Variants in DOCK2 observed in about 807,000 individuals in gnomAD.
DOCK2 encodes the protein dedicator of cytokinesis 2.
Under a neutral mutation model 248.9 loss-of-function variants are expected in DOCK2, and 87 were observed. That is an observed-to-expected ratio of 0.35 (90% confidence interval 0.29 to 0.42). The LOEUF (loss-of-function observed/expected upper bound fraction) is 0.42. Ranked by LOEUF, DOCK2 falls within the 10% of genes least tolerant of loss-of-function variation. The pLI, the probability that DOCK2 is intolerant of heterozygous loss-of-function variation, is 1.00. For synonymous variants in DOCK2, 805 were observed against 821.6 expected (o/e 0.98, Z 0.35); for missense variants, 1,747 against 2,300.2 (o/e 0.76, Z 4.92).
chr5:169,790,727 G>A (rs1766287669), intron 25 of DOCK2, among the ~76,000 whole-genome samples: 1 of 152,172 alleles, frequency 6.6e-6, no homozygotes, highest in South Asian at 2.1e-4. Context: ...CTTAATAACT[G>A]CAACTGAATT....
intron 46 of DOCK2, among the ~76,000 whole-genome samples, chr5:170,073,594 C>G (rs1351797965): frequency 6.6e-6 from 1 of 152,088 alleles, no homozygotes; most frequent in Non-Finnish European, 1.5e-5. Flanking sequence ...TTATATAGTT[C>G]TTTAATTTCT....
chr5:170,052,005 G>A (rs1444849480), intron 41 of DOCK2, among the ~76,000 whole-genome samples: 2 of 152,130 alleles, frequency 1.3e-5, no homozygotes, highest in East Asian at 1.9e-4. Flanking sequence ...CGCATGGCAG[G>A]GAGCATATAA....
intron 27 of DOCK2, among the ~76,000 whole-genome samples, chr5:169,930,649 A>T (rs1215864663): frequency 2.0e-5 from 3 of 152,364 alleles, no homozygotes; most frequent in South Asian, 4.1e-4. Flanking sequence ...GCTGCGGCTG[A>T]CAGGGAGCAA....
At chr5:170,060,334 G>A (rs904620510) in intron 44 of DOCK2, among the ~76,000 whole-genome samples, 1 of 152,070 alleles carries the variant, frequency 6.6e-6, no homozygotes, top group Non-Finnish European at 1.5e-5. Context: ...GGAACTTTAG[G>A]GAGCTTAAAG....
At chr5:169,860,616 C>T (rs1771138623) in intron 27 of DOCK2, among the ~76,000 whole-genome samples, 1 of 152,180 alleles carries the variant, frequency 6.6e-6, no homozygotes, top group East Asian at 1.9e-4. Context: ...ATTGATGTTT[C>T]CCAAAGTGGG....
At chr5:169,930,580 A>G (rs764264662) in intron 27 of DOCK2, among the ~76,000 whole-genome samples, 1 of 152,258 alleles carries the variant, frequency 6.6e-6, no homozygotes, top group Non-Finnish European at 1.5e-5. Flanking sequence ...AAAGTCCTTT[A>G]AAAATGAATG....
In DOCK2 at chr5:170,082,917, A is replaced by G. The variant is rs1241316922; in HGVS notation, c.*59A>G. 31 of 1,608,804 alleles carry G rather than the reference A, an allele frequency of 1.9e-5. No homozygotes were observed. Among genetic ancestry groups the G allele is most frequent in the Non-Finnish European group, 2.3e-5 (27 of 1,175,732 alleles). On this transcript the variant is annotated 3_prime_UTR_variant, in exon 52 of 52. Coordinates refer to ENST00000520908, the MANE Select transcript of DOCK2 (RefSeq NM_004946.3). ...GGGAGGGGAGTTTCTGGAAGAGGAA[A>G]GCCATGCGTGGAACATCGAAGCCTC...
At chr5:170,061,934 C>T (rs911461492) in intron 44 of DOCK2, among the ~76,000 whole-genome samples, 8 of 152,154 alleles carry the variant, frequency 5.3e-5, no homozygotes, top group Admixed American at 1.3e-4. Context: ...GATACTAGAC[C>T]GTGGGTTTCA....
At chr5:169,997,418 C>T (rs1347350189) in intron 30 of DOCK2, among the ~76,000 whole-genome samples, 1 of 148,124 alleles carries the variant, frequency 6.8e-6, no homozygotes, top group Non-Finnish European at 1.5e-5. Flanking sequence ...TCAGCACAGA[C>T]CCTTTATGGG....
intron 22 of DOCK2, among the ~76,000 whole-genome samples, chr5:169,739,239 G>T (rs914866314): frequency 1.1e-4 from 17 of 152,214 alleles, no homozygotes; most frequent in African/African-American, 4.1e-4. Flanking sequence ...TTGGGCCGTT[G>T]TGTCTCTAGC....
rs561243729 is a variant in DOCK2, at chr5:169,985,859, A to G, written c.2930A>G (p.Lys977Arg). The change falls in exon 29 of 52, where the codon AAG (lysine) becomes AGG (arginine). Residue 977 changes from lysine to arginine, a missense_variant. Around this residue, in one of 4 missense-constraint regions of DOCK2, gnomAD observed 858 missense variants for 1,183.5 expected, o/e 0.72. Coordinates refer to ENST00000520908, the MANE Select transcript of DOCK2 (RefSeq NM_004946.3). ...TTGATGGAGACCTTCATCATGTTCA[A>G]GGACCTCATTGGAAAGAACGTGTAC... ...DFLMETFIMF[K>R]DLIGKNVYPG... 3 of 1,610,884 alleles carry G rather than the reference A, an allele frequency of 1.9e-6. No homozygotes were observed. Among genetic ancestry groups the G allele is most frequent in the South Asian group, 1.1e-5 (1 of 90,556 alleles).
chr5:170,055,308 T>C lies in DOCK2; in HGVS notation c.4217T>C (p.Ile1406Thr), dbSNP rs753806914. Residue 1406 changes from isoleucine to threonine, a missense_variant, in exon 42 of 52, where the codon ATC (isoleucine) becomes ACC (threonine). Physicochemically the swap from Ile to Thr is moderately conservative, Grantham distance 89 (BLOSUM62 -1). This residue lies in a region of DOCK2 where 513 missense variants were observed against 586.1 expected (regional missense o/e 0.88). Coordinates refer to ENST00000520908, the MANE Select transcript of DOCK2 (RefSeq NM_004946.3). ...TCCTTAACTACAGGGATTCCAGATA[T>C]CCAGTGCTTCACTGTCCAGCCTGTC... ...DDVKNAPGQY[I>T]QCFTVQPVLD... 1 of 1,613,970 alleles carries C rather than the reference T, an allele frequency of 6.2e-7. No homozygotes were observed. The highest frequency in any genetic ancestry group is 1.1e-5 in the South Asian group (1 of 91,070).
chr5:169,766,700 C>T (rs1764815723), intron 25 of DOCK2, among the ~76,000 whole-genome samples: 1 of 152,194 alleles, frequency 6.6e-6, no homozygotes, highest in African/African-American at 2.4e-5. Flanking sequence ...TTTACATTCC[C>T]TCCAGCAGTG....
intron 1 of DOCK2, among the ~76,000 whole-genome samples, chr5:169,645,718 GC>G (rs2113117406): frequency 6.6e-6 from 1 of 152,214 alleles, no homozygotes; most frequent in Non-Finnish European, 1.5e-5. Flanking sequence ...GATTGGTATT[GC>G]CTAGGTTTTC....
intron 4 of DOCK2, among the ~76,000 whole-genome samples, chr5:169,670,799 G>A (rs987810650): frequency 2.0e-5 from 3 of 152,154 alleles, no homozygotes; most frequent in African/African-American, 7.2e-5. Flanking sequence ...GACTCTGAGG[G>A]GGTATTAGTT....
chr5:169,712,373 C>T, intron 17 of DOCK2, 150 bp downstream of exon 17: 2 of 623,516 alleles, frequency 3.2e-6, no homozygotes, highest in South Asian at 4.1e-5. Context: ...CTCTTGACTT[C>T]TCTGGGCCTC....
Position 170,034,469 on chromosome 5 carries a change from G to C in DOCK2, c.3538G>C (p.Gly1180Arg). 1 of 1,614,198 alleles carries C rather than the reference G, an allele frequency of 6.2e-7. No individual in the cohort carries two copies. Among genetic ancestry groups the C allele is most frequent in the Non-Finnish European group, 8.5e-7 (1 of 1,180,034 alleles). Residue 1180 changes from glycine to arginine, a missense_variant, in exon 35 of 52, where the codon GGC becomes CGC. By Grantham distance (125) the Gly-to-Arg change is moderately radical. Coordinates refer to ENST00000520908, the MANE Select transcript of DOCK2 (RefSeq NM_004946.3). ...GGAGAACTTCGTGAACCTGGTCAAA[G>C]GCCTCCTGGAGAAGCTGCTGGATTA... ...SVENFVNLVK[G>R]LLEKLLDYRG...
chr5:169,734,341 C>A (rs1407237824), intron 22 of DOCK2, among the ~76,000 whole-genome samples: 1 of 152,078 alleles, frequency 6.6e-6, no homozygotes, highest in East Asian at 1.9e-4. Context: ...CACTTTGTTG[C>A]ATAATTCCAG....
chr5:170,075,939 C>A lies in DOCK2; in HGVS notation c.4729-8C>A. Reference sequence around the variant, plus strand: ...CCTCTGGCTCATTCTTTACCACTTTCTCTCCAGATCCCCTTCTTGGGAGCT... The same window carrying A: ...CCTCTGGCTCATTCTTTACCACTTTATCTCCAGATCCCCTTCTTGGGAGCT... On this transcript the variant is annotated splice_polypyrimidine_tract_variant and splice_region_variant and intron_variant, in intron 46 of 51. Transcript: ENST00000520908. The A allele has an allele frequency of 6.2e-7, 1 of 1,613,880 alleles. No homozygotes were observed.
Sources: gnomAD v4.1 joint callset for allele counts (sites outside exome capture counted in the v4.1 genomes callset) on GRCh38, gnomAD v4.1.1 for gene constraint, gnomAD v4.1.1 regional missense constraint, MANE v1.5 for transcripts, NCBI Gene and HGNC (gene_info 2026-07-23, HGNC 2026-07-21) for gene names.